Variants in MEP1A observed in about 807,000 individuals in gnomAD.
The protein encoded by MEP1A is N-benzoyl-L-tyrosyl-P-amino-benzoic acid hydrolase subunit alpha.
In MEP1A, 68 loss-of-function variants were observed where a neutral mutation model predicts 84.5. The ratio of observed to expected loss-of-function variants is 0.80; its 90% CI spans 0.66 to 0.98. MEP1A has a LOEUF of 0.98. Among genes scored for constraint, MEP1A ranks in the 50% least tolerant of loss-of-function variants. The pLI, the probability that MEP1A is intolerant of heterozygous loss-of-function variation, is 0.00. For missense variants in MEP1A, 887 were observed against 919.9 expected (o/e 0.96, Z 0.46); for synonymous variants, 337 against 336.8 (o/e 1.00, Z -0.01).
At chr6:46,844,907 TC>T in the MEP1A span, among the ~76,000 whole-genome samples, 7 of 146,190 alleles carry the variant, frequency 4.8e-5, no homozygotes, top group African/African-American at 1.7e-4. Flanking sequence ...GGGGGTGGTT[TC>T]CCCCATGCTG....
chr6:46,797,794 CTT>C (rs1391734056), intron 3 of MEP1A, among the ~76,000 whole-genome samples: 2 of 13,178 alleles, frequency 1.5e-4, no homozygotes, highest in South Asian at 3.3e-3. Context: ...CTTTCTTTCT[CTT>C]TCTTTCTTTC....
At position 46,837,904 on chromosome 6, in the gene MEP1A, T is replaced by C. The variant is rs1768250727; in HGVS notation, c.2085-1076T>C. Among the ~76,000 whole-genome samples the C allele has an allele frequency of 2.0e-5, 3 of 151,998 alleles. No homozygotes were observed. In the South Asian group the frequency reaches 6.2e-4, roughly 32 times the overall value. ...AAAATGCTGACTTCTTATTTTTTTT[T>C]TTTTTGAGACAGTTTTTGCTCTTGT... On this transcript the variant is annotated intron_variant, in intron 13 of 13. Coordinates refer to ENST00000230588, the MANE Select transcript of MEP1A (RefSeq NM_005588.3).
At chr6:46,807,832 AAAGAAAGGAAGAAAGG>A (rs760598064) in intron 5 of MEP1A, among the ~76,000 whole-genome samples, 13 of 129,128 alleles carry the variant, frequency 1.0e-4, no homozygotes, top group South Asian at 2.5e-4. Flanking sequence ...AGAAAGAAAG[AAAGAAAGGAAGAAAGG>A]AAATAAATCA....
rs181817035 is a variant in MEP1A at position 46,815,135 on chromosome 6, C to A, written c.381-4394C>A. 8.2e-4 allele frequency among the ~76,000 whole-genome samples: 125 copies of A among 152,268 alleles called. 1 individual carries two copies. The highest frequency in any genetic ancestry group is 1.3e-3 in the Non-Finnish European group (90 of 68,012). On this transcript the variant is annotated intron_variant, in intron 6 of 13. Coordinates refer to ENST00000230588, the MANE Select transcript of MEP1A (RefSeq NM_005588.3). ...GTATTCAGGTTTCTCAGCTGGTGGG[C>A]AAGGCCATAGAGCTCTCAAGAGATT...
At chr6:46,798,065 T>C (rs1410178388) in intron 3 of MEP1A, among the ~76,000 whole-genome samples, 1 of 151,732 alleles carries the variant, frequency 6.6e-6, no homozygotes, top group Non-Finnish European at 1.5e-5. Context: ...CGTCCTGGGT[T>C]CAAGCAATTC....
Position 46,825,449 on chromosome 6 carries a change from TC to T in MEP1A, c.735del (p.Phe245LeufsTer6). The T allele has an allele frequency of 6.2e-7, 1 of 1,613,864 alleles. No homozygotes were observed. Among genetic ancestry groups the T allele is most frequent in the Non-Finnish European group, 8.5e-7 (1 of 1,179,824 alleles). ...TCCATTATCGGACAGCGCCTGGATT[TC>T]AGTGCCATTGATTTAGAGAGGCTGA... ...FNSIIGQRLD[F>X]SAIDLERLNR... On this transcript the variant is annotated frameshift_variant, in exon 8 of 14. Coordinates refer to ENST00000230588, the MANE Select transcript of MEP1A (RefSeq NM_005588.3). LOFTEE classifies it high-confidence loss of function.
chr6:46,804,466 C>T (rs1173736995), intron 5 of MEP1A, among the ~76,000 whole-genome samples: 4 of 151,342 alleles, frequency 2.6e-5, no homozygotes, highest in Non-Finnish European at 5.9e-5. Flanking sequence ...GTTTTATTTG[C>T]TTTATTTCGT....
the MEP1A span, among the ~76,000 whole-genome samples, chr6:46,845,150 T>A: frequency 2.0e-5 from 3 of 152,194 alleles, no homozygotes; most frequent in Non-Finnish European, 4.4e-5. Context: ...TTTATAGCAG[T>A]GTGAAAACAG....
At chr6:46,826,985 A>G (rs549861920) in intron 9 of MEP1A, among the ~76,000 whole-genome samples, 1 of 152,356 alleles carries the variant, frequency 6.6e-6, no homozygotes, top group Non-Finnish European at 1.5e-5. Context: ...TAATCAAAAT[A>G]AAAGTTATTA....
At chr6:46,815,619 C>T (rs1360833509) in intron 6 of MEP1A, among the ~76,000 whole-genome samples, 2 of 152,122 alleles carry the variant, frequency 1.3e-5, no homozygotes, top group Non-Finnish European at 2.9e-5. Context: ...ATTGTCTTGG[C>T]TTTCCTGGTA....
intron 5 of MEP1A, among the ~76,000 whole-genome samples, chr6:46,802,406 T>TTTTATATATTGATTTTGTATTGA (rs1432059415): frequency 6.6e-6 from 1 of 151,930 alleles, no homozygotes; most frequent in East Asian, 1.9e-4. Context: ...TACAATGGAT[T>TTTTATATATTGATTTTGTATTGA]TTTATATATT....
At position 46,807,624 on chromosome 6, in the gene MEP1A, A is replaced by C. The variant is rs2894714; in HGVS notation, c.263-1796A>C. 1.5e-4 allele frequency among the ~76,000 whole-genome samples: 10 copies of C among 68,902 alleles called. 1 individual carries two copies. Among genetic ancestry groups the C allele is most frequent in the Non-Finnish European group, 2.7e-4 (10 of 36,366 alleles). The allele number at this position is 68,902 out of a possible 152,430, so 45.2% of individuals were successfully genotyped here. ...AGGAAGGAAGGAAGGAAGGAAGGAA[A>C]GAAGGAAGGAAAGGGAGAAAGGAGA... On this transcript the variant is annotated intron_variant, in intron 5 of 13. Transcript: ENST00000230588.
chr6:46,827,296 G>A (rs1767970194), intron 9 of MEP1A, among the ~76,000 whole-genome samples: 1 of 152,180 alleles, frequency 6.6e-6, no homozygotes, highest in Non-Finnish European at 1.5e-5. Context: ...TCAAGATATT[G>A]ATGTCTACTT....
At chr6:46,807,780 AAAG>A (rs1767386651) in intron 5 of MEP1A, among the ~76,000 whole-genome samples, 6 of 85,460 alleles carry the variant, frequency 7.0e-5, no homozygotes, top group Non-Finnish European at 1.6e-4. Context: ...GGAAAGAAAG[AAAG>A]AAAGAAAGAA....
intron 11 of MEP1A, among the ~76,000 whole-genome samples, chr6:46,834,310 T>TCAGTAG (rs1379532391): frequency 6.6e-6 from 1 of 151,972 alleles, no homozygotes; most frequent in African/African-American, 2.4e-5. Flanking sequence ...AGAAAGTCGC[T>TCAGTAG]CAGTAGCAGA....
downstream of MEP1A, among the ~76,000 whole-genome samples, chr6:46,843,183 G>T (rs1768363133): frequency 6.6e-6 from 1 of 152,146 alleles, no homozygotes; most frequent in South Asian, 2.1e-4. Context: ...TATGTTTAGT[G>T]GCATCCCTGG....
chr6:46,827,417 G>A (rs191552258), intron 9 of MEP1A, among the ~76,000 whole-genome samples: 8 of 152,186 alleles, frequency 5.3e-5, no homozygotes, highest in Middle Eastern at 3.4e-3. Context: ...CGTTTATTTT[G>A]TTTTTCTATT....
chr6:46,812,696 T>A (rs933550346), intron 6 of MEP1A, among the ~76,000 whole-genome samples: 1 of 152,114 alleles, frequency 6.6e-6, no homozygotes, highest in Non-Finnish European at 1.5e-5. Flanking sequence ...AATTTTTTTT[T>A]AATTTCCATC....
intron 7 of MEP1A, among the ~76,000 whole-genome samples, chr6:46,823,590 C>A (rs1177165521): frequency 3.3e-5 from 5 of 152,136 alleles, no homozygotes; most frequent in Admixed American, 6.5e-5. Flanking sequence ...CCAGCCTGGG[C>A]AACAGAGCAA....
Sources: gnomAD v4.1 joint callset for allele counts (sites outside exome capture counted in the v4.1 genomes callset) on GRCh38, gnomAD v4.1.1 for gene constraint, MANE v1.5 for transcripts, NCBI Gene and HGNC (gene_info 2026-07-23, HGNC 2026-07-21) for gene names.